FYN: variants seen among roughly 807,000 people sequenced by gnomAD.
FYN encodes the protein tyrosine-protein kinase Fyn.
FYN carries 10 observed loss-of-function variants against 70.2 expected under a neutral mutation model. That is an observed-to-expected ratio of 0.14 (90% CI 0.09 to 0.24). FYN has a LOEUF of 0.24. Ranked by LOEUF, FYN falls within the 10% of genes least tolerant of loss-of-function variation. The probability of loss-of-function intolerance (pLI) is 1.00; values close to 1 mark genes in which losing one functional copy is unlikely to be tolerated. For synonymous variants in FYN, 236 were observed against 248.6 expected (o/e 0.95, Z 0.48); for missense variants, 319 against 673.1 (o/e 0.47, Z 5.82).
chr6:111,699,980 C>T lies in FYN; in HGVS notation c.862+124G>A, dbSNP rs3730351. The T allele has an allele frequency of 4.8e-3, 2,786 of 581,232 alleles. 16 individuals carry two copies. Among genetic ancestry groups the T allele is most frequent in the Admixed American group, 6.2e-3 (173 of 28,052 alleles). The allele number at this position is 581,232 out of a possible 1,614,324, so 36.0% of individuals were successfully genotyped here. On this transcript the variant is annotated intron_variant, in intron 9 of 13. Coordinates refer to ENST00000354650, the MANE Select transcript of FYN (RefSeq NM_002037.5). The stretch of plus-strand genomic sequence containing the variant: ...TAAAACCAAAACTGAAATTATTATT[C>T]CCCACTATTAGTAATTCAAACTTTC...
At chr6:111,683,889 C>CTTGG (rs1798880746) in intron 12 of FYN, among the ~76,000 whole-genome samples, 1 of 152,122 alleles carries the variant, frequency 6.6e-6, no homozygotes, top group African/African-American at 2.4e-5. Context: ...TGATTTCAAA[C>CTTGG]CCAATGAAAC....
intron 1 of FYN, among the ~76,000 whole-genome samples, chr6:111,859,938 A>G (rs933388777): frequency 1.3e-5 from 2 of 152,220 alleles, no homozygotes; most frequent in African/African-American, 2.4e-5. Flanking sequence ...TTTCCTTGTA[A>G]GAGAGGAGAA....
chr6:111,806,645 C>G (rs763023515), intron 2 of FYN, among the ~76,000 whole-genome samples: 2 of 152,176 alleles, frequency 1.3e-5, no homozygotes, highest in Non-Finnish European at 2.9e-5. Context: ...CTGAATGTCC[C>G]GGCCCACTAT....
At chr6:111,686,774 G>A (rs1218386450) in intron 12 of FYN, among the ~76,000 whole-genome samples, 1 of 152,210 alleles carries the variant, frequency 6.6e-6, no homozygotes, top group Non-Finnish European at 1.5e-5. Context: ...CAGAGGGAGG[G>A]CATCTCACGG....
At chr6:111,710,858 G>A (rs955937374) in intron 5 of FYN, among the ~76,000 whole-genome samples, 3 of 152,164 alleles carry the variant, frequency 2.0e-5, no homozygotes, top group African/African-American at 7.2e-5. Flanking sequence ...CATTGTTAAA[G>A]CTGTATTTCT....
At chr6:111,713,165 C>A (rs17072845) in intron 5 of FYN, among the ~76,000 whole-genome samples, 2 of 152,078 alleles carry the variant, frequency 1.3e-5, no homozygotes, top group South Asian at 4.1e-4. Context: ...TGTTGAAAGG[C>A]GGCATATTCT....
At chr6:111,842,190 G>A in intron 2 of FYN, among the ~76,000 whole-genome samples, 1 of 152,186 alleles carries the variant, frequency 6.6e-6, no homozygotes, top group Non-Finnish European at 1.5e-5. Flanking sequence ...CTGTGTGTGA[G>A]GTTGAGAAAG....
chr6:111,678,277 G>A (rs1161497033), intron 12 of FYN, among the ~76,000 whole-genome samples: 1 of 151,978 alleles, frequency 6.6e-6, no homozygotes, highest in Non-Finnish European at 1.5e-5. Flanking sequence ...TTGACAACCT[G>A]GTGTTGTCAC....
chr6:111,745,570 T>A (rs1190910599), intron 3 of FYN, among the ~76,000 whole-genome samples: 10 of 152,128 alleles, frequency 6.6e-5, no homozygotes, highest in Non-Finnish European at 1.5e-4. Flanking sequence ...AATGAGCGAA[T>A]GCAGGTAACT....
chr6:111,819,153 C>T (rs1562532691), intron 2 of FYN, among the ~76,000 whole-genome samples: 1 of 152,138 alleles, frequency 6.6e-6, no homozygotes, highest in Non-Finnish European at 1.5e-5. Flanking sequence ...GCACAGAAAC[C>T]CAGAGTGAGT....
At chr6:111,797,243 A>G (rs1771834234) in intron 2 of FYN, among the ~76,000 whole-genome samples, 2 of 152,350 alleles carry the variant, frequency 1.3e-5, no homozygotes, top group South Asian at 4.1e-4. Flanking sequence ...CTAAGCAATC[A>G]GAATGAGTGC....
chr6:111,851,730 T>A (rs1487696488), intron 1 of FYN, among the ~76,000 whole-genome samples: 1 of 151,868 alleles, frequency 6.6e-6, no homozygotes, highest in Non-Finnish European at 1.5e-5. Context: ...GTCACATATT[T>A]AAAAACCCCA....
At chr6:111,829,227 A>G (rs61397446) in intron 2 of FYN, among the ~76,000 whole-genome samples, 36,891 of 152,164 alleles carry the variant, frequency 0.24, 7,910 homozygotes, top group African/African-American at 0.59. Context: ...ATCCTCTCAT[A>G]GAGGAGAATC....
chr6:111,706,686 AAAT>A (rs1220851531), intron 6 of FYN, among the ~76,000 whole-genome samples: 2 of 152,380 alleles, frequency 1.3e-5, no homozygotes, highest in African/African-American at 4.8e-5. Flanking sequence ...TTATTTTAAA[AAAT>A]AATATTCTTT....
intron 2 of FYN, among the ~76,000 whole-genome samples, chr6:111,785,574 T>A (rs756171819): frequency 6.6e-6 from 1 of 152,164 alleles, no homozygotes. Flanking sequence ...CCCAACCCTA[T>A]GCTTTACAGG....
rs775358828 is a variant in FYN, at chr6:111,707,969, G to A, written c.396C>T (p.Tyr132=). ...ARSLTTGETG[Y]IPSNYVAPVD... ...CTGGAGCCACATAATTGCTGGGAAT[G>A]TAACCTGTCTCTCCAGTTGTCAAGG... Residue 132 remains tyrosine, a synonymous_variant, in exon 6 of 14, where the codon TAC becomes TAT. Coordinates refer to ENST00000354650, the MANE Select transcript of FYN (RefSeq NM_002037.5). 4 of 1,614,086 alleles carry A rather than the reference G, an allele frequency of 2.5e-6. No homozygotes were observed. In the Admixed American group the frequency reaches 6.7e-5, roughly 27 times the overall value.
chr6:111,824,259 C>T (rs550762140), intron 2 of FYN, among the ~76,000 whole-genome samples: 2 of 152,304 alleles, frequency 1.3e-5, no homozygotes, highest in South Asian at 4.1e-4. Context: ...CTATCCTAAG[C>T]TCATTTCACT....
intron 3 of FYN, among the ~76,000 whole-genome samples, chr6:111,752,332 G>A (rs1209280925): frequency 6.6e-6 from 1 of 152,166 alleles, no homozygotes; most frequent in African/African-American, 2.4e-5. Context: ...AGATGAATAA[G>A]CTATCAGCCC....
chr6:111,871,711 C>T (rs1687129080), intron 1 of FYN, among the ~76,000 whole-genome samples: 1 of 152,208 alleles, frequency 6.6e-6, no homozygotes, highest in African/African-American at 2.4e-5. Flanking sequence ...ATCTACTCTA[C>T]CCCAGCTCTT....
Sources: gnomAD v4.1 joint callset for allele counts (sites outside exome capture counted in the v4.1 genomes callset) on GRCh38, gnomAD v4.1.1 for gene constraint, MANE v1.5 for transcripts, NCBI Gene and HGNC (gene_info 2026-07-23, HGNC 2026-07-21) for gene names.